The following PDE3B variants were observed in gnomAD, a reference collection of about 807,000 sequenced individuals.
The protein encoded by PDE3B is cGMP-inhibited 3',5'-cyclic phosphodiesterase 3B.
PDE3B carries 66 observed loss-of-function variants against 116.8 expected under a neutral mutation model. The observed-to-expected ratio is 0.56, with a 90% CI of 0.46 to 0.69. PDE3B has a LOEUF of 0.69. PDE3B is among the 30% of genes least tolerant of loss of function. The probability of loss-of-function intolerance (pLI) is 0.00; values close to 1 mark genes in which losing one functional copy is unlikely to be tolerated. For synonymous variants in PDE3B, 595 were observed against 533.6 expected (o/e 1.12, Z -1.59); for missense variants, 1,384 against 1,368.1 (o/e 1.01, Z -0.18).
At chr11:14,807,880 C>G (rs889286219) in intron 5 of PDE3B, among the ~76,000 whole-genome samples, 1 of 151,956 alleles carries the variant, frequency 6.6e-6, no homozygotes, top group Non-Finnish European at 1.5e-5. Flanking sequence ...AACCCCATCT[C>G]TACAAAATTC....
chr11:14,683,656 G>T (rs998584553), intron 1 of PDE3B, among the ~76,000 whole-genome samples: 7 of 151,198 alleles, frequency 4.6e-5, no homozygotes, highest in African/African-American at 1.5e-4. Flanking sequence ...TTATTTTTCT[G>T]TTATCACTCT....
At chr11:14,769,486 G>T (rs1438316937) in intron 1 of PDE3B, among the ~76,000 whole-genome samples, 1 of 150,636 alleles carries the variant, frequency 6.6e-6, no homozygotes, top group Non-Finnish European at 1.5e-5. Flanking sequence ...ATGCATTAGA[G>T]AACTTTCACA....
At chr11:14,790,776 A>T (rs2133920624) in intron 4 of PDE3B, among the ~76,000 whole-genome samples, 1 of 152,228 alleles carries the variant, frequency 6.6e-6, no homozygotes, top group East Asian at 1.9e-4. Flanking sequence ...ACCAGGCTAG[A>T]TGTATCTTTT....
At chr11:14,682,533 A>G (rs1854742496) in intron 1 of PDE3B, among the ~76,000 whole-genome samples, 1 of 152,132 alleles carries the variant, frequency 6.6e-6, no homozygotes, top group South Asian at 2.1e-4. Flanking sequence ...AGTTTTTATC[A>G]TGAATGAATG....
intron 11 of PDE3B, among the ~76,000 whole-genome samples, chr11:14,843,042 T>C (rs1428373364): frequency 6.6e-6 from 1 of 152,216 alleles, no homozygotes; most frequent in Non-Finnish European, 1.5e-5. Context: ...ACTTTAAATA[T>C]AGTTTCTTTT....
intron 2 of PDE3B, among the ~76,000 whole-genome samples, chr11:14,783,136 T>C (rs552781698): frequency 9.9e-5 from 15 of 152,222 alleles, no homozygotes; most frequent in African/African-American, 3.6e-4. Flanking sequence ...TGTAGAGAAA[T>C]AGGAACACTT....
chr11:14,859,474 CT>C (rs1469579977), intron 13 of PDE3B, among the ~76,000 whole-genome samples: 3 of 152,028 alleles, frequency 2.0e-5, no homozygotes, highest in Non-Finnish European at 4.4e-5. Flanking sequence ...GACACATAAA[CT>C]TATACTATTG....
intron 1 of PDE3B, among the ~76,000 whole-genome samples, chr11:14,761,818 G>A (rs1480403249): frequency 6.6e-6 from 1 of 152,034 alleles, no homozygotes; most frequent in Non-Finnish European, 1.5e-5. Flanking sequence ...CTGGAAACTG[G>A]ACTAATTTCT....
At chr11:14,668,568 A>G (rs539819534) in intron 1 of PDE3B, among the ~76,000 whole-genome samples, 1 of 152,288 alleles carries the variant, frequency 6.6e-6, no homozygotes, top group South Asian at 2.1e-4. Flanking sequence ...AGCATGAAGC[A>G]AAGAGTCTAG....
rs571052914 is a variant in PDE3B at position 14,722,538 on chromosome 11, A to G, written c.979-49399A>G. Among the ~76,000 whole-genome samples the G allele has an allele frequency of 5.9e-5, 9 of 152,332 alleles. No individual in the cohort carries two copies. The South Asian group carries it at 1.9e-3, about 32-fold the overall frequency. ...TTTGTTGAGTAGTATAGTGGACGGC[A>G]TCGTTTAATAGCAATTTTACAAATA... On this transcript the variant is annotated intron_variant, in intron 1 of 15. Transcript: ENST00000282096.
chr11:14,651,003 A>G (rs909887056), intron 1 of PDE3B, among the ~76,000 whole-genome samples: 2 of 151,954 alleles, frequency 1.3e-5, no homozygotes, highest in African/African-American at 2.4e-5. Flanking sequence ...GGAGCATACT[A>G]GTTTGCTAGG....
At chr11:14,722,974 T>A (rs1385763987) in intron 1 of PDE3B, among the ~76,000 whole-genome samples, 1 of 152,164 alleles carries the variant, frequency 6.6e-6, no homozygotes, top group Non-Finnish European at 1.5e-5. Context: ...GCCTTATATG[T>A]TTGAGGGTGT....
At chr11:14,681,327 C>T (rs1854699947) in intron 1 of PDE3B, among the ~76,000 whole-genome samples, 1 of 152,086 alleles carries the variant, frequency 6.6e-6, no homozygotes, top group Non-Finnish European at 1.5e-5. Context: ...TGGTGGCTCC[C>T]ACAATTCCCA....
chr11:14,663,446 T>A lies in PDE3B; in HGVS notation c.978+18393T>A, dbSNP rs547569582. Among the ~76,000 whole-genome samples the A allele has an allele frequency of 1.9e-3, 288 of 152,178 alleles. 1 individual carries two copies. Among genetic ancestry groups the A allele is most frequent in the African/African-American group, 6.4e-3 (264 of 41,508 alleles). On this transcript the variant is annotated intron_variant, in intron 1 of 15. Coordinates refer to ENST00000282096, the MANE Select transcript of PDE3B (RefSeq NM_000922.4). ...TAACATCATAATGACAGGATCAAAT[T>A]CACACATAACAATATTAACTTTAAA... is the stretch of plus-strand genomic sequence containing the variant.
intron 1 of PDE3B, among the ~76,000 whole-genome samples, chr11:14,755,367 C>T (rs1857157225): frequency 6.6e-6 from 1 of 152,152 alleles, no homozygotes; most frequent in Non-Finnish European, 1.5e-5. Flanking sequence ...AAGGAACTTC[C>T]AGGTAACTGT....
chr11:14,654,007 CCCCCAAAA>C (rs1427282881), intron 1 of PDE3B, among the ~76,000 whole-genome samples: 1 of 151,748 alleles, frequency 6.6e-6, no homozygotes, highest in Non-Finnish European at 1.5e-5. Context: ...CAAGAAAAAT[CCCCCAAAA>C]CCCCAAAACA....
In PDE3B at chr11:14,644,944, G is replaced by C. The variant is rs1652595219; in HGVS notation, c.869G>C (p.Arg290Pro). The C allele has an allele frequency of 6.2e-7, 1 of 1,613,970 alleles. No homozygotes were observed. The highest frequency in any genetic ancestry group is 1.3e-5 in the African/African-American group (1 of 74,912). ...GCCGAAGAAAAAGTGCCTGTGATCC[G>C]ACCCCGGAGGAGGTCCAGCTGCGTG... ...SAAEEKVPVI[R>P]PRRRSSCVSL... The change falls in exon 1 of 16, where the codon CGA becomes CCA. Residue 290 changes from arginine (R) to proline (P), a missense_variant. Arg to Pro is a moderately radical substitution (Grantham distance 103). Coordinates refer to ENST00000282096, the MANE Select transcript of PDE3B (RefSeq NM_000922.4).
chr11:14,835,223 A>T (rs758167970), intron 11 of PDE3B, 128 bp downstream of exon 11: 93 of 562,358 alleles, frequency 1.7e-4, no homozygotes, highest in Middle Eastern at 4.0e-4. Context: ...AGGACTGTGT[A>T]CGTTTTTTTA....
intron 11 of PDE3B, 130 bp downstream of exon 11, chr11:14,835,225 G>T: frequency 1.8e-6 from 1 of 554,106 alleles, no homozygotes; most frequent in Non-Finnish European, 3.2e-6. Context: ...GACTGTGTAC[G>T]TTTTTTTAAC....
Sources: gnomAD v4.1 joint callset for allele counts (sites outside exome capture counted in the v4.1 genomes callset) on GRCh38, gnomAD v4.1.1 for gene constraint, MANE v1.5 for transcripts, NCBI Gene and HGNC (gene_info 2026-07-23, HGNC 2026-07-21) for gene names.